Variants in AHCTF1 observed in about 807,000 individuals in gnomAD.
The protein encoded by AHCTF1 is AT-hook containing transcription factor 1.
Under a neutral mutation model 248.4 loss-of-function variants are expected in AHCTF1, and 24 were observed. The ratio of observed to expected loss-of-function variants is 0.10; its 90% CI spans 0.07 to 0.14. The LOEUF (loss-of-function observed/expected upper bound fraction) is 0.14, where lower values mean the gene tolerates loss of function less well. AHCTF1 is among the 10% of genes least tolerant of loss of function. The probability of loss-of-function intolerance (pLI) is 1.00; values close to 1 mark genes in which losing one functional copy is unlikely to be tolerated. For missense variants in AHCTF1, 2,206 were observed against 2,636.2 expected (o/e 0.84, Z 3.57); for synonymous variants, 786 against 929.8 (o/e 0.85, Z 2.81).
chr1:246,926,963 AGGAGATCGAGACCATCCTG>A (rs1666965340), intron 1 of AHCTF1, among the ~76,000 whole-genome samples: 1 of 151,686 alleles, frequency 6.6e-6, no homozygotes, highest in African/African-American at 2.4e-5. Flanking sequence ...TCACGAGGTC[AGGAGATCGAGACCATCCTG>A]GCTAACAAGG....
intron 8 of AHCTF1, among the ~76,000 whole-genome samples, chr1:246,901,519 G>T (rs556184458): frequency 6.6e-6 from 1 of 152,184 alleles, no homozygotes; most frequent in Non-Finnish European, 1.5e-5. Flanking sequence ...AGCTACTTAG[G>T]GGGCTGAAGC....
intron 32 of AHCTF1, 28 bp downstream of exon 32, chr1:246,853,058 CTGATA>C: frequency 6.5e-7 from 1 of 1,532,408 alleles, no homozygotes; most frequent in South Asian, 1.2e-5. Context: ...AACTGAAAGA[CTGATA>C]AAGAAGTAAA....
intron 14 of AHCTF1, among the ~76,000 whole-genome samples, chr1:246,893,342 G>A (rs1184082885): frequency 6.6e-6 from 1 of 152,106 alleles, no homozygotes; most frequent in Non-Finnish European, 1.5e-5. Context: ...AACTTGATTG[G>A]TTTAAAAATC....
intron 1 of AHCTF1, among the ~76,000 whole-genome samples, chr1:246,926,797 A>T (rs977625495): frequency 4.6e-5 from 7 of 152,136 alleles, no homozygotes; most frequent in African/African-American, 1.7e-4. Flanking sequence ...CGGAGATTGC[A>T]GTCAGCCGAC....
At chr1:246,851,762 A>G (rs895443798) in intron 32 of AHCTF1, 2 of 218,178 alleles carry the variant, frequency 9.2e-6, no homozygotes, top group Admixed American at 5.2e-5. Context: ...GACTTATTCT[A>G]TTCTCACCCA....
chr1:246,915,203 G>A (rs1205161985), intron 3 of AHCTF1, among the ~76,000 whole-genome samples: 2 of 152,066 alleles, frequency 1.3e-5, no homozygotes, highest in African/African-American at 2.4e-5. Context: ...GGTGGTGCAC[G>A]CCTGTAGTCC....
intron 4 of AHCTF1, among the ~76,000 whole-genome samples, chr1:246,911,455 G>T (rs1192692289): frequency 2.0e-5 from 3 of 148,024 alleles, no homozygotes; most frequent in African/African-American, 7.4e-5. Flanking sequence ...AAATTTTAAG[G>T]TATAGTGTCT....
At chr1:246,899,349 G>C (rs1369431811) in intron 11 of AHCTF1, 102 bp downstream of exon 11, 6 of 961,362 alleles carry the variant, frequency 6.2e-6, no homozygotes, top group East Asian at 2.7e-5. Context: ...CATTTAAGCT[G>C]AAACAACTGT....
At chr1:246,864,333 T>G (rs1050604030) in intron 26 of AHCTF1, 18 of 459,988 alleles carry the variant, frequency 3.9e-5, no homozygotes, top group Non-Finnish European at 6.0e-5. Flanking sequence ...CAACTGATTT[T>G]TAAAAAGAGT....
At chr1:246,874,512 A>G (rs1662805674) in intron 24 of AHCTF1, among the ~76,000 whole-genome samples, 1 of 152,096 alleles carries the variant, frequency 6.6e-6, no homozygotes, top group Non-Finnish European at 1.5e-5. Flanking sequence ...GTGGTGGCTC[A>G]TTTTTCTAAC....
intron 35 of AHCTF1, 145 bp downstream of exon 35, chr1:246,842,548 CT>C: frequency 1.9e-6 from 1 of 519,780 alleles, no homozygotes; most frequent in Non-Finnish European, 2.9e-6. Flanking sequence ...CACCACTGCA[CT>C]CCAGCCTTGG....
Position 246,881,211 on chromosome 1 carries a change from A to T in AHCTF1, c.2661-3909T>A, listed in dbSNP as rs537545350. On this transcript the variant is annotated intron_variant, in intron 21 of 35. Coordinates refer to ENST00000648844, the MANE Select transcript of AHCTF1 (RefSeq NM_001323342.2). ...GTGCCTACATTAACAAGTATTCATA[A>T]TAAAGAAGGTTACCATATAATAATT... Among the ~76,000 whole-genome samples, 55 of 152,336 alleles carry T rather than the reference A, an allele frequency of 3.6e-4. 1 individual carries two copies. The South Asian group carries it at 0.011, about 30-fold the overall frequency.
intron 26 of AHCTF1, 139 bp from the exon 27 acceptor site, chr1:246,864,255 A>G (rs1325275367): frequency 1.8e-5 from 15 of 854,448 alleles, no homozygotes; most frequent in Non-Finnish European, 2.3e-5. Flanking sequence ...TGTAATCCAA[A>G]GTGCTACCAT....
At chr1:246,896,028 C>T (rs1043244996) in intron 12 of AHCTF1, 103 bp from the exon 13 acceptor site, 1 of 817,462 alleles carries the variant, frequency 1.2e-6, no homozygotes, top group African/African-American at 1.7e-5. Context: ...CTAAAAAAAT[C>T]AGTATGACCC....
rs571252508 is a variant in AHCTF1 at position 246,880,312 on chromosome 1, C to G, written c.2661-3010G>C. Among the ~76,000 whole-genome samples the G allele has an allele frequency of 2.7e-4, 41 of 151,806 alleles. 1 individual carries two copies. Among genetic ancestry groups the G allele is most frequent in the African/African-American group, 9.7e-4 (40 of 41,444 alleles). On this transcript the variant is annotated intron_variant, in intron 21 of 35. Coordinates refer to ENST00000648844, the MANE Select transcript of AHCTF1 (RefSeq NM_001323342.2). ...GGGTGTGGTGGCTCACGCCTGTAAT[C>G]CCAGCACTTTGGGAGCCCGAGGCGG...
In AHCTF1 at chr1:246,853,248, T is replaced by C. The variant is rs1057189607; in HGVS notation, c.4406A>G (p.Glu1469Gly). 1 of 1,613,718 alleles carries C rather than the reference T, an allele frequency of 6.2e-7. No homozygotes were observed. Among genetic ancestry groups the C allele is most frequent in the Non-Finnish European group, 8.5e-7 (1 of 1,179,918 alleles). Residue 1469 changes from glutamate to glycine, a missense_variant, in exon 32 of 36, where the codon GAA becomes GGA. Glu to Gly is a moderately conservative substitution (Grantham distance 98, BLOSUM62 -2). Around this residue, in one of 6 missense-constraint regions of AHCTF1, gnomAD observed 955 missense variants for 1,055.6 expected, o/e 0.90. Transcript: ENST00000648844. ...CCTGCGCTCAGAGACAATAGGACCT[T>C]CAGAGATAGTGAGCGAGGAGTTTCC... is the stretch of plus-strand genomic sequence containing the variant. ...DGGNSSLTIS[E>G]GPIVSERRLN... is the part of the protein sequence containing the mutation.
Position 246,889,950 on chromosome 1 carries a change from A to G in AHCTF1, c.2144+16T>C, listed in dbSNP as rs758524817. On this transcript the variant is annotated intron_variant, in intron 17 of 35. Coordinates refer to ENST00000648844, the MANE Select transcript of AHCTF1 (RefSeq NM_001323342.2). Reference sequence around the variant, plus strand: ...GACTTCTTACAGATGTAATTTCTAAAATTGTTTTACTATACCTTGATAAAC... The same window carrying G: ...GACTTCTTACAGATGTAATTTCTAAGATTGTTTTACTATACCTTGATAAAC... 5 of 1,589,844 alleles carry G rather than the reference A, an allele frequency of 3.1e-6. No homozygotes were observed. In the East Asian group the frequency reaches 1.1e-4, roughly 36 times the overall value.
chr1:246,868,684 G>T (rs1662228505), intron 24 of AHCTF1, among the ~76,000 whole-genome samples: 1 of 151,476 alleles, frequency 6.6e-6, no homozygotes, highest in South Asian at 2.1e-4. Context: ...TGAAATAGGA[G>T]TTCTTTCATT....
At chr1:246,848,875 T>C (rs1218292439) in intron 33 of AHCTF1, among the ~76,000 whole-genome samples, 2 of 152,060 alleles carry the variant, frequency 1.3e-5, no homozygotes, top group African/African-American at 2.4e-5. Context: ...ACCCCCTACA[T>C]TTTGTTTACC....
Sources: gnomAD v4.1 joint callset for allele counts (sites outside exome capture counted in the v4.1 genomes callset) on GRCh38, gnomAD v4.1.1 for gene constraint, gnomAD v4.1.1 regional missense constraint, MANE v1.5 for transcripts, NCBI Gene and HGNC (gene_info 2026-07-23, HGNC 2026-07-21) for gene names.